CACNA1I: variants seen among roughly 807,000 people sequenced by gnomAD.
CACNA1I encodes the protein voltage-dependent T-type calcium channel subunit alpha-1I.
In CACNA1I, 74 loss-of-function variants were observed where a neutral mutation model predicts 201.6. That is an observed-to-expected ratio of 0.37 (90% CI 0.30 to 0.45). The LOEUF (loss-of-function observed/expected upper bound fraction) is 0.45. CACNA1I is among the 20% of genes least tolerant of loss of function. CACNA1I has a pLI of 1.00. For missense variants in CACNA1I, 2,346 were observed against 3,138.1 expected (o/e 0.75, Z 6.03); for synonymous variants, 1,431 against 1,345.2 (o/e 1.06, Z -1.40).
chr22:39,651,145 C>T (rs896294395), intron 10 of CACNA1I, among the ~76,000 whole-genome samples: 8 of 151,702 alleles, frequency 5.3e-5, no homozygotes, highest in African/African-American at 2.0e-4. Flanking sequence ...GGTCCAACGG[C>T]GGGGAAGTCA....
chr22:39,644,801 C>A (rs896082872), intron 7 of CACNA1I, among the ~76,000 whole-genome samples: 8 of 152,170 alleles, frequency 5.3e-5, no homozygotes, highest in African/African-American at 7.2e-5. Flanking sequence ...GATCATCCCC[C>A]CTCAGCTTCC....
At position 39,629,360 on chromosome 22, in the gene CACNA1I, C is replaced by A. The variant is rs1289896407; in HGVS notation, c.581-5205C>A. 6.6e-6 allele frequency among the ~76,000 whole-genome samples: 1 copy of A among 152,070 alleles called. No individual in the cohort carries two copies. Among genetic ancestry groups the A allele is most frequent in the Non-Finnish European group, 1.5e-5 (1 of 68,016 alleles). On this transcript the variant is annotated intron_variant, in intron 4 of 36. Coordinates refer to ENST00000402142, the MANE Select transcript of CACNA1I (RefSeq NM_021096.4). The surrounding 1 kb of genome is among the most constrained non-coding windows in gnomAD (Gnocchi z 4.8). ...CTGAAGGCCGCTCTGTGGCTCCAGG[C>A]CCCAAACCTTGGAGTCGTCCCCAAC... is the stretch of plus-strand genomic sequence containing the variant.
Position 39,686,153 on chromosome 22 carries a change from C to CCCACG in CACNA1I, c.6422_6423insACGCC (p.Pro2142ArgfsTer132). On this transcript the variant is annotated frameshift_variant, in exon 37 of 37. Transcript: ENST00000402142. LOFTEE classifies it low-confidence loss of function (END_TRUNC). ...TCACCTCCCTCTTCTGCCCGCCGCC[C>CCCACG]CCGCCGCCAGCCCCCGGCCTCACGC... 1 of 1,283,034 alleles carries CCCACG rather than the reference C, an allele frequency of 7.8e-7. No individual in the cohort carries two copies. The highest frequency in any genetic ancestry group is 9.8e-7 in the Non-Finnish European group (1 of 1,016,344). The allele number at this position is 1,283,034 out of a possible 1,614,324, so 79.5% of individuals were successfully genotyped here. A position where few individuals can be genotyped will look rare whatever the true frequency, so the allele number is the denominator to read the frequency against.
intron 1 of CACNA1I, among the ~76,000 whole-genome samples, chr22:39,582,964 C>T (rs1383681152): frequency 2.7e-5 from 4 of 150,550 alleles, no homozygotes; most frequent in Admixed American, 6.6e-5. Flanking sequence ...ATCCATCCAA[C>T]AATCCATCCA....
intron 7 of CACNA1I, among the ~76,000 whole-genome samples, chr22:39,644,756 T>C (rs1934436823): frequency 1.3e-5 from 2 of 152,000 alleles, no homozygotes; most frequent in South Asian, 4.2e-4. Flanking sequence ...GGTGCAATCA[T>C]AGCTCGCTGC....
In CACNA1I at chr22:39,682,502, C is replaced by A; in HGVS notation, c.5671C>A (p.Leu1891Met). 6.2e-7 allele frequency: 1 copy of A among 1,613,300 alleles called. No individual in the cohort carries two copies. The highest frequency in any genetic ancestry group is 8.5e-7 in the Non-Finnish European group (1 of 1,179,596). The change falls in exon 35 of 37, where the codon CTG becomes ATG. Residue 1891 changes from leucine (L) to methionine (M), a missense_variant. Physicochemically the swap from Leu to Met is conservative, Grantham distance 15. Coordinates refer to ENST00000402142, the MANE Select transcript of CACNA1I (RefSeq NM_021096.4). ...PPGRKDSKGE[L>M]DPPEPMRVGD... ...TACCTCCCTTTCCTTGCAGGGTGAG[C>A]TGGACCCACCTGAGCCCATGCGTGT... is the stretch of plus-strand genomic sequence containing the variant.
intron 4 of CACNA1I, among the ~76,000 whole-genome samples, chr22:39,620,502 C>T (rs1361378357): frequency 6.6e-6 from 1 of 152,196 alleles, no homozygotes; most frequent in Non-Finnish European, 1.5e-5. Flanking sequence ...ATGTCCATGA[C>T]CTGTTTTGAG....
At position 39,672,300 on chromosome 22, in the gene CACNA1I, C is replaced by G. The variant is rs780259994; in HGVS notation, c.4641C>G (p.Phe1547Leu). 6.2e-7 allele frequency: 1 copy of G among 1,610,084 alleles called. No homozygotes were observed. Residue 1547 changes from phenylalanine to leucine, a missense_variant, in exon 27 of 37, where the codon TTC (phenylalanine) becomes TTG (leucine). Physicochemically the swap from Phe to Leu is conservative, Grantham distance 22. Transcript: ENST00000402142. ...KLVAFGLRRFFKDRWNQLDLA... is the reference protein window; with the variant it reads ...KLVAFGLRRFLKDRWNQLDLA... ...TGGCATTTGGTCTGAGGCGCTTCTT[C>G]AAGGACCGGTGAGTGGCCAGGCTGG...
rs5757752 is a variant in CACNA1I at position 39,629,232 on chromosome 22, G to C, written c.581-5333G>C. On this transcript the variant is annotated intron_variant, in intron 4 of 36. Transcript: ENST00000402142. The surrounding 1 kb of genome is among the most constrained non-coding windows in gnomAD (Gnocchi z 4.8). ...CCACATGACGCTCCCGGGCCAGACT[G>C]TTCTCCCCTGAACTCCAGACCCCAA... Among the ~76,000 whole-genome samples the C allele has an allele frequency of 0.46, 69,165 of 151,738 alleles. 17,486 individuals are homozygous for C. The highest frequency in any genetic ancestry group is 0.9 in the East Asian group (4,599 of 5,110).
chr22:39,593,450 T>C (rs1309584275), intron 1 of CACNA1I, among the ~76,000 whole-genome samples: 2 of 152,050 alleles, frequency 1.3e-5, no homozygotes, highest in Non-Finnish European at 2.9e-5. Context: ...AAGAGGCACA[T>C]CCGGGGAAGC....
chr22:39,589,442 G>A (rs1448037625), intron 1 of CACNA1I, among the ~76,000 whole-genome samples: 1 of 152,230 alleles, frequency 6.6e-6, no homozygotes, highest in African/African-American at 2.4e-5. Flanking sequence ...ATGAACGAAT[G>A]AATGTGTGAA....
chr22:39,677,252 A>G lies in CACNA1I; in HGVS notation c.4855-89A>G. On this transcript the variant is annotated intron_variant, in intron 29 of 36. Transcript: ENST00000402142. The surrounding 1 kb of genome is among the most constrained non-coding windows in gnomAD (Gnocchi z 4.8). ...GCTGCTCTGACCCACAGGCTGCCCA[A>G]CCCCACTGCCCCAGCCTCCACCCTT... The G allele has an allele frequency of 7.1e-6, 6 of 841,452 alleles. No homozygotes were observed. In the Admixed American group the frequency reaches 8.5e-5, roughly 12 times the overall value. The allele number at this position is 841,452 out of a possible 1,614,324, so 52.1% of individuals were successfully genotyped here.
rs776042324 is a variant in CACNA1I, at chr22:39,661,152, G to T, written c.2743G>T (p.Asp915Tyr). The change falls in exon 16 of 37, where the codon GAC (aspartate) becomes TAC (tyrosine). Residue 915 changes from aspartate to tyrosine, a missense_variant. Asp to Tyr is a radical substitution (Grantham distance 160, BLOSUM62 -3). Coordinates refer to ENST00000402142, the MANE Select transcript of CACNA1I (RefSeq NM_021096.4). ...CCCCATGACCCCCAATGGGCACCTG[G>T]ACCCCAGTCTCCCACTGGGTGGGCA... ...PIPMTPNGHL[D>Y]PSLPLGGHLG... 9.3e-6 allele frequency: 15 copies of T among 1,613,304 alleles called. No individual in the cohort carries two copies. Among genetic ancestry groups the T allele is most frequent in the Non-Finnish European group, 1.3e-5 (15 of 1,179,790 alleles).
intron 20 of CACNA1I, 48 bp downstream of exon 20, chr22:39,664,207 C>A (rs753263089): frequency 1.3e-6 from 2 of 1,506,670 alleles, no homozygotes; most frequent in African/African-American, 1.4e-5. Context: ...AGCTCGGGCC[C>A]CTGGCCCTGG....
intron 24 of CACNA1I, among the ~76,000 whole-genome samples, chr22:39,669,610 A>G (rs1327836076): frequency 1.4e-5 from 2 of 141,560 alleles, no homozygotes; most frequent in East Asian, 2.1e-4. Flanking sequence ...GCTGGTGGGT[A>G]GATGGATGGG....
intron 3 of CACNA1I, among the ~76,000 whole-genome samples, chr22:39,611,989 T>C (rs1933399145): frequency 6.6e-6 from 1 of 152,150 alleles, no homozygotes; most frequent in African/African-American, 2.4e-5. Flanking sequence ...GAACTGCGAG[T>C]GTTGCTGTTG....
At chr22:39,606,784 G>A (rs1933233660) in intron 3 of CACNA1I, among the ~76,000 whole-genome samples, 1 of 152,146 alleles carries the variant, frequency 6.6e-6, no homozygotes, top group South Asian at 2.1e-4. Context: ...CACCCTCCTC[G>A]GCCTCCCGAA....
At chr22:39,636,646 G>A (rs1045660918) in intron 5 of CACNA1I, among the ~76,000 whole-genome samples, 1 of 152,228 alleles carries the variant, frequency 6.6e-6, no homozygotes. Context: ...TTAGGGCAGG[G>A]AGCAGAGAAG....
Position 39,664,741 on chromosome 22 carries a change from A to G in CACNA1I, c.3669A>G (p.Val1223=), listed in dbSNP as rs566131987. ...AIFVGEMTLK[V]VSLGLYFGEQ... ...CCCCGGCCCCACCCCCGCCCCAGGT[A>G]GTCTCGCTGGGCCTGTACTTCGGCG... Residue 1223 remains valine, a splice_region_variant and synonymous_variant, in exon 21 of 37, where the codon GTA becomes GTG. Coordinates refer to ENST00000402142, the MANE Select transcript of CACNA1I (RefSeq NM_021096.4). 11 of 1,289,166 alleles carry G rather than the reference A, an allele frequency of 8.5e-6. No individual in the cohort carries two copies. The highest frequency in any genetic ancestry group is 2.4e-5 in the South Asian group (2 of 83,480). 79.9% of individuals were successfully genotyped at this position (1,289,166 alleles called of 1,614,324 possible).
Sources: gnomAD v4.1 joint callset for allele counts (sites outside exome capture counted in the v4.1 genomes callset) on GRCh38, gnomAD v4.1.1 for gene constraint, Gnocchi (gnomAD v3.1) non-coding constraint, MANE v1.5 for transcripts, NCBI Gene and HGNC (gene_info 2026-07-23, HGNC 2026-07-21) for gene names.